CFAP299: variants seen among roughly 807,000 people sequenced by gnomAD.
CFAP299 encodes the protein cilia- and flagella-associated protein 299.
A neutral mutation model predicts 27.0 loss-of-function variants in CFAP299; 21 were observed. The observed-to-expected ratio is 0.78, with a 90% CI of 0.55 to 1.12. The LOEUF (loss-of-function observed/expected upper bound fraction) is 1.12, where lower values mean the gene tolerates loss of function less well. Among genes scored for constraint, CFAP299 ranks in the 50% most tolerant of loss-of-function variants. CFAP299 has a pLI of 0.00. For missense variants in CFAP299, 310 were observed against 276.6 expected, an observed-to-expected ratio of 1.12 and a Z score of -0.86; for synonymous variants, 104 against 98.1, an observed-to-expected ratio of 1.06 and a Z score of -0.36.
intron 3 of CFAP299, among the ~76,000 whole-genome samples, chr4:80,857,625 A>G (rs1732001445): frequency 6.6e-6 from 1 of 152,144 alleles, no homozygotes; most frequent in Non-Finnish European, 1.5e-5. Flanking sequence ...AGCGTTGTTG[A>G]ATTTTGTCAA....
At chr4:80,433,806 A>G (rs1482167082) in intron 2 of CFAP299, among the ~76,000 whole-genome samples, 3 of 152,218 alleles carry the variant, frequency 2.0e-5, no homozygotes, top group Non-Finnish European at 4.4e-5. Flanking sequence ...TTACATTAAG[A>G]CAACAGTTTA....
chr4:80,893,810 G>C (rs567467862), intron 4 of CFAP299, among the ~76,000 whole-genome samples: 13 of 151,976 alleles, frequency 8.6e-5, no homozygotes, highest in African/African-American at 2.9e-4. Context: ...TCTGGGCAAC[G>C]ATTTTTTAGA....
At chr4:80,430,259 T>A (rs976394440) in intron 2 of CFAP299, among the ~76,000 whole-genome samples, 1 of 152,188 alleles carries the variant, frequency 6.6e-6, no homozygotes, top group Admixed American at 6.5e-5. Flanking sequence ...CACAGTGAGA[T>A]TGAGGACAAT....
In CFAP299 at chr4:80,784,478, CTCTT is replaced by C. The variant is rs376395351; in HGVS notation, c.334-85497_334-85494del. 6.1e-3 allele frequency among the ~76,000 whole-genome samples: 918 copies of C among 151,716 alleles called. 8 individuals carry two copies. Among genetic ancestry groups the C allele is most frequent in the African/African-American group, 0.02 (822 of 41,384 alleles). On this transcript the variant is annotated intron_variant, in intron 3 of 5. Transcript: ENST00000358105. ...AATGCCTTTTCACGTACTTCTTGGC[CTCTT>C]TCTTTCTTTCTTTCTTTTCTTTCTT...
intron 2 of CFAP299, among the ~76,000 whole-genome samples, chr4:80,431,650 G>A (rs1419466107): frequency 3.9e-5 from 6 of 152,030 alleles, no homozygotes; most frequent in South Asian, 2.1e-4. Flanking sequence ...ATTGGCAGCC[G>A]CTTGGTTATA....
chr4:80,880,090 T>C (rs747726952), intron 4 of CFAP299, among the ~76,000 whole-genome samples: 7 of 142,894 alleles, frequency 4.9e-5, no homozygotes, highest in Admixed American at 1.4e-4. Flanking sequence ...AAATGAAGAA[T>C]GGGAAAAAGA....
At chr4:80,406,733 C>A (rs1419108643) in intron 2 of CFAP299, among the ~76,000 whole-genome samples, 1 of 152,106 alleles carries the variant, frequency 6.6e-6, no homozygotes, top group African/African-American at 2.4e-5. Flanking sequence ...ATTTCAAAGT[C>A]CAATACTAGT....
At chr4:80,432,821 C>G (rs568616704) in intron 2 of CFAP299, among the ~76,000 whole-genome samples, 1 of 152,082 alleles carries the variant, frequency 6.6e-6, no homozygotes, top group South Asian at 2.1e-4. Flanking sequence ...CGTGCCCGGC[C>G]TACACTCTAT....
At chr4:80,387,151 A>G (rs1725057540) in intron 2 of CFAP299, 1 of 1,381,196 alleles carries the variant, frequency 7.2e-7, no homozygotes, top group South Asian at 1.2e-5. Context: ...TGTAGACGGC[A>G]CTGCCCTTCT....
intron 2 of CFAP299, among the ~76,000 whole-genome samples, chr4:80,419,558 T>C (rs956276059): frequency 6.6e-6 from 1 of 152,212 alleles, no homozygotes; most frequent in Non-Finnish European, 1.5e-5. Flanking sequence ...TTTTTCTACC[T>C]ATTGGAAGCC....
At chr4:80,587,646 G>T (rs28494703) in intron 3 of CFAP299, among the ~76,000 whole-genome samples, 1 of 151,904 alleles carries the variant, frequency 6.6e-6, no homozygotes, top group Non-Finnish European at 1.5e-5. Context: ...AGGTTGGAGC[G>T]CAGTGGTACC....
chr4:80,579,538 C>T (rs946769409), intron 2 of CFAP299, among the ~76,000 whole-genome samples: 1 of 152,092 alleles, frequency 6.6e-6, no homozygotes, highest in Non-Finnish European at 1.5e-5. Context: ...CTGAAAACCT[C>T]GGCCATTAGC....
intron 2 of CFAP299, among the ~76,000 whole-genome samples, chr4:80,414,306 G>A (rs1469994812): frequency 2.6e-5 from 4 of 151,658 alleles, no homozygotes; most frequent in Admixed American, 6.6e-5. Context: ...TCCTGACCTC[G>A]TGATCCGCCC....
intron 2 of CFAP299, among the ~76,000 whole-genome samples, chr4:80,369,901 A>G (rs1006965949): frequency 6.6e-6 from 1 of 152,184 alleles, no homozygotes; most frequent in African/African-American, 2.4e-5. Flanking sequence ...AGAGGACCCC[A>G]TGTTCATGAA....
intron 2 of CFAP299, among the ~76,000 whole-genome samples, chr4:80,544,436 G>T (rs1348834596): frequency 6.6e-6 from 1 of 152,152 alleles, no homozygotes; most frequent in Non-Finnish European, 1.5e-5. Flanking sequence ...GTTGGATAGA[G>T]AAACAATACC....
chr4:80,817,908 G>A (rs527672827), intron 3 of CFAP299, among the ~76,000 whole-genome samples: 1 of 151,464 alleles, frequency 6.6e-6, no homozygotes, highest in Admixed American at 6.6e-5. Flanking sequence ...GTAAACTTGT[G>A]CCGTGGTGGT....
At position 80,335,931 on chromosome 4, in the gene CFAP299, C is replaced by A. The variant is rs765984662; in HGVS notation, c.111+52C>A. 3 of 1,129,510 alleles carry A rather than the reference C, an allele frequency of 2.7e-6. No individual in the cohort carries two copies. In the South Asian group the frequency reaches 3.7e-5, roughly 14 times the overall value. The allele number at this position is 1,129,510 out of a possible 1,614,324, so 70.0% of individuals were successfully genotyped here. ...CGCCGCCGCGCGTCCCTCGGTCCCT[C>A]CTCGAGTTCCCGCTTCGTGGGCTGG... On this transcript the variant is annotated intron_variant, in intron 1 of 5. Coordinates refer to ENST00000358105, the MANE Select transcript of CFAP299 (RefSeq NM_152770.3).
At position 80,733,087 on chromosome 4, in the gene CFAP299, A is replaced by T. The variant is rs536881267; in HGVS notation, c.334-136906A>T. On this transcript the variant is annotated intron_variant, in intron 3 of 5. Transcript: ENST00000358105. ...TAATCATATAATAAATTTTACTGAT[A>T]ATAATTTTGAGGTCTACATATATCT... 3.9e-5 allele frequency among the ~76,000 whole-genome samples: 6 copies of T among 152,206 alleles called. No individual in the cohort carries two copies. In the South Asian group the frequency reaches 1.2e-3, roughly 32 times the overall value.
chr4:80,361,469 A>G (rs1191988545), intron 1 of CFAP299, among the ~76,000 whole-genome samples: 1 of 152,132 alleles, frequency 6.6e-6, no homozygotes, highest in Non-Finnish European at 1.5e-5. Context: ...TAATCCCCAA[A>G]TCTGCATTGG....
Sources: gnomAD v4.1 joint callset for allele counts (sites outside exome capture counted in the v4.1 genomes callset) on GRCh38, gnomAD v4.1.1 for gene constraint, MANE v1.5 for transcripts, NCBI Gene and HGNC (gene_info 2026-07-23, HGNC 2026-07-21) for gene names.